Variants in LMO3 observed in about 807,000 individuals in gnomAD.
LMO3 encodes the protein LIM domain only 3, also known as LIM domain only protein 3.
A neutral mutation model predicts 15.8 loss-of-function variants in LMO3; 2 were observed. That is an observed-to-expected ratio of 0.13 (90% CI 0.05 to 0.40). LMO3 has a LOEUF of 0.40. Among genes scored for constraint, LMO3 ranks in the 10% least tolerant of loss-of-function variants. The probability of loss-of-function intolerance (pLI) is 0.99; values close to 1 mark genes in which losing one functional copy is unlikely to be tolerated. For synonymous variants in LMO3, 62 were observed against 63.8 expected, an observed-to-expected ratio of 0.97 and a Z score of 0.13; for missense variants, 86 against 182.2, an observed-to-expected ratio of 0.47 and a Z score of 3.04.
In LMO3 at chr12:16,559,851, A is replaced by C. The variant is rs1307673309; in HGVS notation, c.332+562T>G. The stretch of plus-strand genomic sequence containing the variant: ...GGAGTGCACACCTGTACTCCCAGCT[A>C]CTCGGGAGGCTGAGGCAGGAGGATT... On this transcript the variant is annotated intron_variant, in intron 3 of 3. Transcript: ENST00000537304. The surrounding 1 kb of genome is among the most constrained non-coding windows in gnomAD (Gnocchi z 4.1). Among the ~76,000 whole-genome samples, 2 of 151,488 alleles carry C rather than the reference A, an allele frequency of 1.3e-5. No individual in the cohort carries two copies. Among genetic ancestry groups the C allele is most frequent in the Admixed American group, 6.6e-5 (1 of 15,182 alleles).
At chr12:16,558,938 C>T (rs1312788257) in intron 3 of LMO3, among the ~76,000 whole-genome samples, 1 of 152,056 alleles carries the variant, frequency 6.6e-6, no homozygotes, top group African/African-American at 2.4e-5. Context: ...GAATCAAATT[C>T]AGAGAGATTA....
rs867136419 is a variant in LMO3, at chr12:16,585,185, C to T, written c.206+15470G>A. Among the ~76,000 whole-genome samples the T allele has an allele frequency of 3.9e-4, 60 of 152,116 alleles. No individual in the cohort carries two copies. The highest frequency in any genetic ancestry group is 1.4e-3 in the African/African-American group (57 of 41,440). ...TCACAACGTTATTTTTCCTTCCAGA[C>T]TCCGGAACCTGGAGGCAATTGAGTT... On this transcript the variant is annotated intron_variant, in intron 2 of 3. Coordinates refer to ENST00000537304, the MANE Select transcript of LMO3 (RefSeq NM_018640.5). The surrounding 1 kb of genome is among the most constrained non-coding windows in gnomAD (Gnocchi z 4.7).
At position 16,576,574 on chromosome 12, in the gene LMO3, G is replaced by T. The variant is rs757908751; in HGVS notation, c.207-16036C>A. On this transcript the variant is annotated intron_variant, in intron 2 of 3. Transcript: ENST00000537304. The surrounding 1 kb of genome is among the most constrained non-coding windows in gnomAD (Gnocchi z 4.1). ...TATACTACTTCATCTTTCAGAATCT[G>T]TATCAGTTACGTACCTGTTTGTCTC... 5.9e-5 allele frequency among the ~76,000 whole-genome samples: 9 copies of T among 152,054 alleles called. No individual in the cohort carries two copies. The highest frequency in any genetic ancestry group is 2.1e-4 in the South Asian group (1 of 4,832).
intron 2 of LMO3, among the ~76,000 whole-genome samples, chr12:16,577,507 T>C (rs904297983): frequency 2.6e-5 from 4 of 152,144 alleles, no homozygotes; most frequent in African/African-American, 9.7e-5. Flanking sequence ...TACCCTCCAG[T>C]CAATATTTAT....
intron 3 of LMO3, among the ~76,000 whole-genome samples, chr12:16,553,145 C>CCCTACAT (rs1438820309): frequency 6.6e-6 from 1 of 152,064 alleles, no homozygotes; most frequent in Admixed American, 6.6e-5. Flanking sequence ...CACATTTATT[C>CCCTACAT]CCTACATCCA....
Position 16,550,111 on chromosome 12 carries a change from T to G in LMO3, c.*1111A>C, listed in dbSNP as rs2137235512. 1 of 152,198 alleles carries G rather than the reference T, an allele frequency of 6.6e-6. No homozygotes were observed. The highest frequency in any genetic ancestry group is 2.4e-5 in the African/African-American group (1 of 41,562). The allele number at this position is 152,198 out of a possible 1,614,324, so 9.4% of individuals were successfully genotyped here. A position where few individuals can be genotyped will look rare whatever the true frequency, so the allele number is the denominator to read the frequency against. On this transcript the variant is annotated 3_prime_UTR_variant, in exon 4 of 4. Transcript: ENST00000537304. ...TTCTTCTAGAAGATTCTATGAGCAT[T>G]ATGTTGCTCCGATCAAAAGTAACCT...
chr12:16,592,155 A>G (rs1943514098), intron 2 of LMO3, among the ~76,000 whole-genome samples: 1 of 152,050 alleles, frequency 6.6e-6, no homozygotes, highest in Non-Finnish European at 1.5e-5. Context: ...TTTCACATTC[A>G]TTATTTATAA....
At position 16,549,175 on chromosome 12, in the gene LMO3, C is replaced by T. The variant is rs1941896408; in HGVS notation, c.*2047G>A. 3.3e-5 allele frequency: 5 copies of T among 152,180 alleles called. No individual in the cohort carries two copies. In the South Asian group the frequency reaches 1.0e-3, roughly 32 times the overall value. The allele number at this position is 152,180 out of a possible 1,614,324, so 9.4% of individuals were successfully genotyped here. On this transcript the variant is annotated 3_prime_UTR_variant, in exon 4 of 4. Transcript: ENST00000537304. ...GAAAACCACTTTTCACTGATCTCTC[C>T]CCCACATATTTTTAATTTGTCTTGC... is the stretch of plus-strand genomic sequence containing the variant.
At chr12:16,605,892 A>T in intron 1 of LMO3, 174 bp downstream of exon 1, 1 of 1,441,450 alleles carries the variant, frequency 6.9e-7, no homozygotes, top group African/African-American at 1.4e-5. Context: ...GTCTCAGTAG[A>T]GCTGCAGCCC....
At chr12:16,565,798 A>C (rs1055582943) in intron 2 of LMO3, among the ~76,000 whole-genome samples, 4 of 151,296 alleles carry the variant, frequency 2.6e-5, no homozygotes, top group African/African-American at 9.7e-5. Context: ...TCCTCAAAAA[A>C]ATTAAAAACA....
intron 2 of LMO3, among the ~76,000 whole-genome samples, chr12:16,563,794 T>C (rs1198510193): frequency 1.3e-5 from 2 of 152,174 alleles, no homozygotes; most frequent in Non-Finnish European, 2.9e-5. Flanking sequence ...GAAATTTTGA[T>C]CTAAATTAAT....
rs1191054350 is a variant in LMO3, at chr12:16,603,380, C to A, written c.-8-2512G>T. Among the ~76,000 whole-genome samples the A allele has an allele frequency of 6.6e-6, 1 of 152,194 alleles. No individual in the cohort carries two copies. The highest frequency in any genetic ancestry group is 1.9e-4 in the East Asian group (1 of 5,186). On this transcript the variant is annotated intron_variant, in intron 1 of 3. Coordinates refer to ENST00000537304, the MANE Select transcript of LMO3 (RefSeq NM_018640.5). The surrounding 1 kb of genome is among the most constrained non-coding windows in gnomAD (Gnocchi z 4.9). ...GAACTATTTTGTAGTCACCATGTTA[C>A]CGTGTACTTAAAAGGCATAAAGCAG...
At chr12:16,577,438 A>T (rs1943030117) in intron 2 of LMO3, among the ~76,000 whole-genome samples, 1 of 152,114 alleles carries the variant, frequency 6.6e-6, no homozygotes, top group Admixed American at 6.6e-5. Context: ...ATAGGTTGTC[A>T]TCTTATTGCA....
chr12:16,605,533 T>C, intron 1 of LMO3: 1 of 426,886 alleles, frequency 2.3e-6, no homozygotes, highest in Admixed American at 4.9e-5. Flanking sequence ...GGCAGAAGCG[T>C]CAACAAGGAC....
In LMO3 at chr12:16,587,945, C is replaced by T. The variant is rs915421336; in HGVS notation, c.206+12710G>A. On this transcript the variant is annotated intron_variant, in intron 2 of 3. Transcript: ENST00000537304. This position sits in a 1 kb window ranked among gnomAD's most constrained non-coding sequence, Gnocchi z 4.3. Reference sequence around the variant, plus strand: ...TTGATTTAATTTTAAATGAACAAAACAAGGAATATTAATTCATGCTTAAAA... The same window carrying T: ...TTGATTTAATTTTAAATGAACAAAATAAGGAATATTAATTCATGCTTAAAA... 6.6e-6 allele frequency among the ~76,000 whole-genome samples: 1 copy of T among 152,088 alleles called. No individual in the cohort carries two copies. Among genetic ancestry groups the T allele is most frequent in the African/African-American group, 2.4e-5 (1 of 41,438 alleles).
At chr12:16,552,408 T>A (rs983515174) in intron 3 of LMO3, among the ~76,000 whole-genome samples, 2 of 152,010 alleles carry the variant, frequency 1.3e-5, no homozygotes, top group African/African-American at 4.8e-5. Flanking sequence ...ATAGATTAAA[T>A]TGTGTAGTGA....
intron 2 of LMO3, among the ~76,000 whole-genome samples, chr12:16,575,268 A>G (rs919496539): frequency 1.3e-5 from 2 of 152,182 alleles, no homozygotes; most frequent in African/African-American, 4.8e-5. Flanking sequence ...CTTCAAAAAT[A>G]TAGGCATAAG....
intron 2 of LMO3, among the ~76,000 whole-genome samples, chr12:16,568,045 C>A (rs905985901): frequency 1.3e-5 from 2 of 152,106 alleles, no homozygotes; most frequent in Non-Finnish European, 2.9e-5. Flanking sequence ...TTCTTGAGAT[C>A]TAGACTTAGT....
At chr12:16,563,733 T>C (rs184706126) in intron 2 of LMO3, among the ~76,000 whole-genome samples, 44 of 152,312 alleles carry the variant, frequency 2.9e-4, no homozygotes, top group African/African-American at 8.9e-4. Flanking sequence ...TAAGAGTTCT[T>C]AGTCGTACAC....
Sources: gnomAD v4.1 joint callset for allele counts (sites outside exome capture counted in the v4.1 genomes callset) on GRCh38, gnomAD v4.1.1 for gene constraint, Gnocchi (gnomAD v3.1) non-coding constraint, MANE v1.5 for transcripts, NCBI Gene and HGNC (gene_info 2026-07-23, HGNC 2026-07-21) for gene names.